CD2AP: variants seen among roughly 807,000 people sequenced by gnomAD.
CD2AP encodes CD2-associated protein.
In CD2AP, 46 loss-of-function variants were observed where a neutral mutation model predicts 85.1. The ratio of observed to expected loss-of-function variants is 0.54; its 90% confidence interval spans 0.43 to 0.69. The LOEUF (loss-of-function observed/expected upper bound fraction) is 0.69, where lower values mean the gene tolerates loss of function less well. CD2AP is among the 30% of genes least tolerant of loss of function. The pLI is 0.00. For missense variants in CD2AP, 769 were observed against 729.5 expected, an observed-to-expected ratio of 1.05 and a Z score of -0.62; for synonymous variants, 255 against 252.9, an observed-to-expected ratio of 1.01 and a Z score of -0.08.
intron 2 of CD2AP, among the ~76,000 whole-genome samples, chr6:47,524,927 A>T (rs986404170): frequency 3.3e-5 from 5 of 152,302 alleles, no homozygotes; most frequent in South Asian, 2.1e-4. Flanking sequence ...CTGATTTCAT[A>T]TTAAGGACAT....
chr6:47,477,985 C>A lies in CD2AP; in HGVS notation c.-260C>A. The A allele has an allele frequency of 1.8e-6, 1 of 567,666 alleles. No individual in the cohort carries two copies. Among genetic ancestry groups the A allele is most frequent in the Non-Finnish European group, 3.1e-6 (1 of 320,558 alleles). 35.2% of individuals were successfully genotyped at this position (567,666 alleles called of 1,614,324 possible). A position where few individuals can be genotyped will look rare whatever the true frequency, so the allele number is the denominator to read the frequency against. ...CGCGGTCGGGCGGGCGGGGTAGGGC[C>A]CTCCCGCCGCCGTGGCTCCTGGGGA... On this transcript the variant is annotated 5_prime_UTR_variant, in exon 1 of 18. Coordinates refer to ENST00000359314, the MANE Select transcript of CD2AP (RefSeq NM_012120.3).
intron 6 of CD2AP, among the ~76,000 whole-genome samples, chr6:47,574,772 C>T (rs372057213): frequency 5.3e-5 from 8 of 151,942 alleles, no homozygotes; most frequent in African/African-American, 1.9e-4. Flanking sequence ...TAGCATTTTG[C>T]TGGCATTGTG....
intron 1 of CD2AP, among the ~76,000 whole-genome samples, chr6:47,496,100 A>C (rs1765851135): frequency 6.6e-6 from 1 of 151,916 alleles, no homozygotes; most frequent in African/African-American, 2.4e-5. Context: ...CTTCATATTT[A>C]ATCTTTTTCC....
chr6:47,570,191 C>T (rs768744620), intron 5 of CD2AP, among the ~76,000 whole-genome samples: 67 of 151,094 alleles, frequency 4.4e-4, no homozygotes, highest in Non-Finnish European at 8.6e-4. Flanking sequence ...TTCTTGTTTC[C>T]GTTTTTCTCC....
intron 4 of CD2AP, among the ~76,000 whole-genome samples, chr6:47,546,374 A>C (rs951529878): frequency 1.3e-5 from 2 of 152,184 alleles, no homozygotes; most frequent in African/African-American, 2.4e-5. Flanking sequence ...CAAACGTAAG[A>C]ATAGTTGGCC....
chr6:47,516,085 T>C (rs1421499126), intron 2 of CD2AP, among the ~76,000 whole-genome samples: 1 of 152,228 alleles, frequency 6.6e-6, no homozygotes, highest in Non-Finnish European at 1.5e-5. Flanking sequence ...GATTTTATTA[T>C]ACAGTTTAAG....
chr6:47,505,888 C>A (rs1183836174), intron 2 of CD2AP, among the ~76,000 whole-genome samples: 1 of 107,390 alleles, frequency 9.3e-6, no homozygotes, highest in Admixed American at 8.5e-5. Flanking sequence ...GGCGGCTGGC[C>A]GGGCGGGGGG....
At position 47,620,883 on chromosome 6, in the gene CD2AP, T is replaced by C. The variant is rs112200411; in HGVS notation, c.1879-3303T>C. Among the ~76,000 whole-genome samples, 215 of 152,312 alleles carry C rather than the reference T, an allele frequency of 1.4e-3. 1 individual carries two copies. The highest frequency in any genetic ancestry group is 5.0e-3 in the African/African-American group (207 of 41,568). On this transcript the variant is annotated intron_variant, in intron 17 of 17. Coordinates refer to ENST00000359314, the MANE Select transcript of CD2AP (RefSeq NM_012120.3). ...TTGGTGTATAGAAGAGCTACTGATT[T>C]GTGTAGCTCTTATACCCGAAACTTC...
At position 47,478,232 on chromosome 6, in the gene CD2AP, G is replaced by A. The variant is rs1171474886; in HGVS notation, c.-13G>A. On this transcript the variant is annotated 5_prime_UTR_variant, in exon 1 of 18. Transcript: ENST00000359314. ...GGAGCGGACGTCGGCTTCTCCCCGCGGGAGCCCCCAGCATGGGTAAGAGAC... is the reference window on the plus strand; with the variant it reads ...GGAGCGGACGTCGGCTTCTCCCCGCAGGAGCCCCCAGCATGGGTAAGAGAC... The A allele has an allele frequency of 6.4e-7, 1 of 1,570,396 alleles. No individual in the cohort carries two copies. Among genetic ancestry groups the A allele is most frequent in the Admixed American group, 1.9e-5 (1 of 53,626 alleles).
chr6:47,566,323 T>C lies in CD2AP; in HGVS notation c.542-7741T>C, dbSNP rs185611521. On this transcript the variant is annotated intron_variant, in intron 5 of 17. Coordinates refer to ENST00000359314, the MANE Select transcript of CD2AP (RefSeq NM_012120.3). ...TAGAATATATATATATATATATATA[T>C]ACACATACACATATATATATATGTA... 2.1e-3 allele frequency among the ~76,000 whole-genome samples: 226 copies of C among 108,452 alleles called. 7 individuals carry two copies. In the Middle Eastern group the frequency reaches 0.028, roughly 13 times the overall value. The allele number at this position is 108,452 out of a possible 152,430, so 71.1% of individuals were successfully genotyped here. A position where few individuals can be genotyped will look rare whatever the true frequency, so the allele number is the denominator to read the frequency against.
At chr6:47,492,522 T>A (rs1248450631) in intron 1 of CD2AP, among the ~76,000 whole-genome samples, 1 of 151,980 alleles carries the variant, frequency 6.6e-6, no homozygotes, top group Non-Finnish European at 1.5e-5. Context: ...CTGTTGTTAT[T>A]TTTTGTAGAG....
At chr6:47,622,933 T>C (rs1164896877) in intron 17 of CD2AP, among the ~76,000 whole-genome samples, 1 of 152,238 alleles carries the variant, frequency 6.6e-6, no homozygotes, top group African/African-American at 2.4e-5. Context: ...TGATTATGCA[T>C]GCAGTAGTAG....
Position 47,500,776 on chromosome 6 carries a change from C to T in CD2AP, c.5-2504C>T, listed in dbSNP as rs139056111. Among the ~76,000 whole-genome samples, 1,146 of 150,736 alleles carry T rather than the reference C, an allele frequency of 7.6e-3. 11 individuals are homozygous for T. Among genetic ancestry groups the T allele is most frequent in the African/African-American group, 0.026 (1,071 of 40,956 alleles). On this transcript the variant is annotated intron_variant, in intron 1 of 17. Transcript: ENST00000359314. Reference sequence around the variant, plus strand: ...TTTTTTTTTTTTTTGAGACGGAGTCCTGCCCTGTCACCCAGGCTGGTGTGC... The same window carrying T: ...TTTTTTTTTTTTTTGAGACGGAGTCTTGCCCTGTCACCCAGGCTGGTGTGC...
At chr6:47,583,906 C>T (rs980595251) in intron 11 of CD2AP, among the ~76,000 whole-genome samples, 11 of 152,280 alleles carry the variant, frequency 7.2e-5, no homozygotes, top group African/African-American at 2.4e-4. Context: ...TTCTGTTCTA[C>T]GTTCTAGCCA....
At chr6:47,587,882 C>T (rs1230124579) in intron 11 of CD2AP, among the ~76,000 whole-genome samples, 1 of 152,146 alleles carries the variant, frequency 6.6e-6, no homozygotes, top group Non-Finnish European at 1.5e-5. Context: ...TCTATACTTT[C>T]ACTGGTAGAA....
chr6:47,565,548 A>G (rs1767969929), intron 5 of CD2AP, among the ~76,000 whole-genome samples: 1 of 152,012 alleles, frequency 6.6e-6, no homozygotes, highest in Non-Finnish European at 1.5e-5. Context: ...GGCATCTTAA[A>G]CCTAAGATGC....
intron 14 of CD2AP, among the ~76,000 whole-genome samples, chr6:47,606,739 C>G (rs1017473564): frequency 6.6e-6 from 1 of 151,874 alleles, no homozygotes; most frequent in Non-Finnish European, 1.5e-5. Flanking sequence ...TATTTTGATA[C>G]AGGCATGAAA....
rs1356042037 is a variant in CD2AP, at chr6:47,624,402, T to A, written c.*175T>A. On this transcript the variant is annotated 3_prime_UTR_variant, in exon 18 of 18. Transcript: ENST00000359314. ...GTGAATTTATATATATATTTTGTTTTGCCAATATGAAGAAAAAGAGGCCTT... is the reference window on the plus strand; with the variant it reads ...GTGAATTTATATATATATTTTGTTTAGCCAATATGAAGAAAAAGAGGCCTT... 1 of 576,352 alleles carries A rather than the reference T, an allele frequency of 1.7e-6. No homozygotes were observed. 35.7% of individuals were successfully genotyped at this position (576,352 alleles called of 1,614,324 possible). A position where few individuals can be genotyped will look rare whatever the true frequency, so the allele number is the denominator to read the frequency against.
At chr6:47,548,721 A>G (rs2114052261) in intron 4 of CD2AP, among the ~76,000 whole-genome samples, 1 of 152,242 alleles carries the variant, frequency 6.6e-6, no homozygotes, top group East Asian at 1.9e-4. Flanking sequence ...GTATCATCCT[A>G]ATACCAAGAC....
Sources: gnomAD v4.1 joint callset for allele counts (sites outside exome capture counted in the v4.1 genomes callset) on GRCh38, gnomAD v4.1.1 for gene constraint, MANE v1.5 for transcripts, NCBI Gene and HGNC (gene_info 2026-07-23, HGNC 2026-07-21) for gene names.